CLPTM1L: variants seen among roughly 807,000 people sequenced by gnomAD.
CLPTM1L encodes the protein CLPTM1 like, also known as lipid scramblase CLPTM1L.
Under a neutral mutation model 70.9 loss-of-function variants are expected in CLPTM1L, and 38 were observed. The ratio of observed to expected loss-of-function variants is 0.54; its 90% confidence interval spans 0.41 to 0.70. CLPTM1L has a LOEUF of 0.70. CLPTM1L is among the 30% of genes least tolerant of loss of function. CLPTM1L has a pLI of 0.00. For missense variants in CLPTM1L, 652 were observed against 705.9 expected (o/e 0.92, Z 0.87); for synonymous variants, 339 against 299.9 (o/e 1.13, Z -1.35).
At chr5:1,330,524 C>T (rs1036897526) in intron 8 of CLPTM1L, 141 bp from the exon 9 acceptor site, 13 of 625,298 alleles carry the variant, frequency 2.1e-5, no homozygotes, top group African/African-American at 1.3e-4. Flanking sequence ...CACGTCACCC[C>T]GTTTAAAAAG....
intron 3 of CLPTM1L, among the ~76,000 whole-genome samples, chr5:1,339,860 G>GA (rs1390801709): frequency 8.0e-6 from 1 of 125,598 alleles, no homozygotes; most frequent in Non-Finnish European, 1.7e-5. Context: ...CCTGTGAACA[G>GA]ATGGCCACAC....
chr5:1,332,849 C>A (rs183047694), intron 7 of CLPTM1L, among the ~76,000 whole-genome samples: 22 of 152,342 alleles, frequency 1.4e-4, no homozygotes, highest in Admixed American at 1.0e-3. Flanking sequence ...TTATTTGATA[C>A]ACATATTCAG....
chr5:1,320,495 A>T, intron 16 of CLPTM1L, 121 bp downstream of exon 16: 1 of 540,158 alleles, frequency 1.9e-6, no homozygotes, highest in South Asian at 3.4e-5. Context: ...CACCACCTGC[A>T]AATTATCTTT....
rs150678949 is a variant in CLPTM1L at position 1,325,759 on chromosome 5, C to T, written c.1138G>A (p.Glu380Lys). 6.6e-4 allele frequency: 1,065 copies of T among 1,613,284 alleles called. 4 individuals are homozygous for T. Among genetic ancestry groups the T allele is most frequent in the African/African-American group, 1.1e-3 (84 of 75,020 alleles). ...TTACAACTAAATCCTACCTGAAATT[C>T]GGGCATCAGGCCTCTCCAAAAAATA... ...MTIFWRGLMP[E>K]FQFGTYSESE... The change falls in exon 10 of 17, where the codon GAA (glutamate) becomes AAA (lysine). Residue 380 changes from glutamate to lysine, a missense_variant. This residue lies in a region of CLPTM1L where 240 missense variants were observed against 295.0 expected (regional missense o/e 0.81). Coordinates refer to ENST00000320895, the MANE Select transcript of CLPTM1L (RefSeq NM_030782.5).
At chr5:1,328,412 A>G (rs183149508) in intron 9 of CLPTM1L, among the ~76,000 whole-genome samples, 7,726 of 139,788 alleles carry the variant, frequency 0.055, 835 homozygotes, top group African/African-American at 0.19. Flanking sequence ...CCTCCTCTAC[A>G]GACACATTCC....
chr5:1,320,593 C>T (rs756921857), intron 16 of CLPTM1L, 23 bp downstream of exon 16: 22 of 1,364,684 alleles, frequency 1.6e-5, no homozygotes, highest in African/African-American at 1.2e-4. Flanking sequence ...GAGCAACGGC[C>T]GAGCATACGC....
At chr5:1,343,519 A>C (rs973955860) in intron 2 of CLPTM1L, among the ~76,000 whole-genome samples, 2 of 152,374 alleles carry the variant, frequency 1.3e-5, no homozygotes, top group Non-Finnish European at 2.9e-5. Context: ...AACCCAGTGC[A>C]GATGAATCCT....
chr5:1,324,848 C>T, intron 10 of CLPTM1L, 35 bp from the exon 11 acceptor site: 1 of 1,594,022 alleles, frequency 6.3e-7, no homozygotes, highest in Non-Finnish European at 8.6e-7. Flanking sequence ...TATTAATAGA[C>T]TCAGGGAGGA....
intron 3 of CLPTM1L, among the ~76,000 whole-genome samples, chr5:1,339,275 C>A (rs962763814): frequency 3.4e-5 from 5 of 145,200 alleles, no homozygotes; most frequent in African/African-American, 1.3e-4. Flanking sequence ...GTGCCCTAAC[C>A]TGTGAACAGA....
chr5:1,337,840 C>T (rs577221103), intron 5 of CLPTM1L, 64 bp downstream of exon 5: 47 of 1,311,990 alleles, frequency 3.6e-5, no homozygotes, highest in African/African-American at 4.3e-5. Context: ...GCAGGGGCTG[C>T]GGGGCCAGTC....
intron 8 of CLPTM1L, chr5:1,331,547 G>C (rs911591258): frequency 1.2e-4 from 66 of 571,460 alleles, no homozygotes; most frequent in Admixed American, 9.0e-5. Flanking sequence ...ATGCACGCCA[G>C]AGTCCGCAGC....
chr5:1,338,260 C>T (rs1317494991), intron 4 of CLPTM1L: 1 of 519,924 alleles, frequency 1.9e-6, no homozygotes, highest in Admixed American at 3.2e-5. Flanking sequence ...AGGGACACGG[C>T]CGTACAGCAG....
At position 1,338,994 on chromosome 5, in the gene CLPTM1L, C is replaced by T. The variant is rs949364799; in HGVS notation, c.465G>A (p.Ala155=). ...TGESDTQQIE[A]EKKPTSALDE... The stretch of plus-strand genomic sequence containing the variant: ...CCAGGGCACTCGTCGGCTTCTTCTC[C>T]GCCTCGATCTGCTGTTAAGTGAGGA... The change falls in exon 4 of 17, where the codon GCG becomes GCA. Residue 155 remains alanine, a synonymous_variant. Coordinates refer to ENST00000320895, the MANE Select transcript of CLPTM1L (RefSeq NM_030782.5). 15 of 1,612,878 alleles carry T rather than the reference C, an allele frequency of 9.3e-6. No homozygotes were observed. The African/African-American group carries it at 9.3e-5, about 10-fold the overall frequency.
chr5:1,334,917 T>G, intron 6 of CLPTM1L, 140 bp downstream of exon 6: 1 of 623,804 alleles, frequency 1.6e-6, no homozygotes, highest in Non-Finnish European at 2.9e-6. Context: ...AGGCAGGCGC[T>G]GCTAGCCTCT....
At chr5:1,338,738 G>A (rs1560868858) in intron 4 of CLPTM1L, 122 bp downstream of exon 4, 8 of 1,129,530 alleles carry the variant, frequency 7.1e-6, no homozygotes, top group South Asian at 3.0e-5. Context: ...TGGGAGGCCC[G>A]GGCAGCAAGT....
At chr5:1,325,181 G>A (rs1345470440) in intron 10 of CLPTM1L, 2 of 326,708 alleles carry the variant, frequency 6.1e-6, no homozygotes, top group African/African-American at 2.1e-5. Flanking sequence ...GGAACACAGT[G>A]GCTGCGCTGC....
intron 9 of CLPTM1L, chr5:1,326,343 T>A (rs1171400308): frequency 1.5e-5 from 4 of 264,462 alleles, no homozygotes; most frequent in Non-Finnish European, 2.9e-5. Context: ...CAGCTCCTCC[T>A]CTACAGACAC....
chr5:1,324,857 G>C (rs1376419994), intron 10 of CLPTM1L, 44 bp from the exon 11 acceptor site: 6 of 1,572,584 alleles, frequency 3.8e-6, no homozygotes, highest in Non-Finnish European at 5.3e-6. Context: ...ACTCAGGGAG[G>C]ATCTGAGCAC....
At position 1,318,235 on chromosome 5, in the gene CLPTM1L, G is replaced by A; in HGVS notation, c.*134C>T. The A allele has an allele frequency of 1.5e-6, 1 of 688,716 alleles. No individual in the cohort carries two copies. The allele number at this position is 688,716 out of a possible 1,614,324, so 42.7% of individuals were successfully genotyped here. A position where few individuals can be genotyped will look rare whatever the true frequency, so the allele number is the denominator to read the frequency against. The stretch of plus-strand genomic sequence containing the variant: ...CCAAATCTGACGTGATGGGAACTTG[G>A]GAGATGTCTGAGAAATGTCCGAAGG... On this transcript the variant is annotated 3_prime_UTR_variant, in exon 17 of 17. Transcript: ENST00000320895. This position sits in a 1 kb window ranked among gnomAD's most constrained non-coding sequence, Gnocchi z 8.9.
Sources: allele counts gnomAD v4.1 joint callset (sites outside exome capture counted in the v4.1 genomes callset), GRCh38; gene constraint gnomAD v4.1.1; regional missense constraint gnomAD v4.1.1; non-coding constraint Gnocchi (gnomAD v3.1); transcripts MANE v1.5; gene names NCBI Gene and HGNC (gene_info 2026-07-23, HGNC 2026-07-21).